The following UPF2 variants were observed in gnomAD, a reference collection of about 807,000 sequenced individuals.
UPF2 encodes UPF2 regulator of nonsense mediated mRNA decay.
Under a neutral mutation model 141.4 loss-of-function variants are expected in UPF2, and 17 were observed. That is an observed-to-expected ratio of 0.12 (90% CI 0.08 to 0.18). The LOEUF is 0.18. Ranked by LOEUF, UPF2 falls within the 10% of genes least tolerant of loss-of-function variation. The probability of loss-of-function intolerance (pLI) is 1.00; values close to 1 mark genes in which losing one functional copy is unlikely to be tolerated. For synonymous variants in UPF2, 540 were observed against 498.0 expected, an observed-to-expected ratio of 1.08 and a Z score of -1.12; for missense variants, 1,152 against 1,515.9, an observed-to-expected ratio of 0.76 and a Z score of 3.99.
In UPF2 at chr10:11,979,661, C is replaced by A. The variant is rs1395916836; in HGVS notation, c.1845-496G>T. 1.3e-5 allele frequency among the ~76,000 whole-genome samples: 2 copies of A among 152,156 alleles called. No individual in the cohort carries two copies. The highest frequency in any genetic ancestry group is 2.9e-5 in the Non-Finnish European group (2 of 68,036). Reference sequence around the variant, plus strand: ...GTAGCTCACGCCTGTAATCCCAGCACTTTGGGAGGCCGAGGCAGGCAGATC... The same window carrying A: ...GTAGCTCACGCCTGTAATCCCAGCAATTTGGGAGGCCGAGGCAGGCAGATC... On this transcript the variant is annotated intron_variant, in intron 8 of 21. Transcript: ENST00000357604. This position sits in a 1 kb window ranked among gnomAD's most constrained non-coding sequence, Gnocchi z 6.2.
chr10:11,938,964 C>T (rs1040595475), intron 18 of UPF2, among the ~76,000 whole-genome samples: 1 of 146,170 alleles, frequency 6.8e-6, no homozygotes, highest in Non-Finnish European at 1.5e-5. Context: ...CCTCTGCCTC[C>T]TGGGTTCAAG....
chr10:11,997,210 A>G (rs1194637914), intron 8 of UPF2, among the ~76,000 whole-genome samples: 3 of 152,280 alleles, frequency 2.0e-5, no homozygotes, highest in Non-Finnish European at 2.9e-5. Context: ...ATTCTATCCA[A>G]TGAGTCTCTA....
rs1832644614 is a variant in UPF2 at position 11,921,500 on chromosome 10, T to C, written c.3810-193A>G. Among the ~76,000 whole-genome samples, 1 of 152,004 alleles carries C rather than the reference T, an allele frequency of 6.6e-6. No individual in the cohort carries two copies. The highest frequency in any genetic ancestry group is 2.4e-5 in the African/African-American group (1 of 41,376). On this transcript the variant is annotated intron_variant, in intron 21 of 21. Coordinates refer to ENST00000357604, the MANE Select transcript of UPF2 (RefSeq NM_015542.4). The surrounding 1 kb of genome is among the most constrained non-coding windows in gnomAD (Gnocchi z 5.9). Reference sequence around the variant, plus strand: ...AAAACCCAAACAATAAAAAATAACATAAATATTAAAAACAATACAGTATAT... The same window carrying C: ...AAAACCCAAACAATAAAAAATAACACAAATATTAAAAACAATACAGTATAT...
At chr10:12,008,524 G>A (rs574432857) in intron 4 of UPF2, among the ~76,000 whole-genome samples, 1 of 151,026 alleles carries the variant, frequency 6.6e-6, no homozygotes, top group South Asian at 2.1e-4. Context: ...CAGCTGCTCA[G>A]GAGGCTGAGG....
At chr10:11,946,903 G>A (rs1833007557) in intron 16 of UPF2, among the ~76,000 whole-genome samples, 2 of 152,172 alleles carry the variant, frequency 1.3e-5, no homozygotes, top group Non-Finnish European at 2.9e-5. Context: ...GAGTTTGGAA[G>A]AAAAAACTGA....
chr10:11,938,864 T>TG (rs71380797), intron 18 of UPF2, among the ~76,000 whole-genome samples: 109 of 81,050 alleles, frequency 1.3e-3, no homozygotes, highest in Non-Finnish European at 2.1e-3. Context: ...TTTTTTTTTT[T>TG]TTTTTTTTTT....
chr10:12,004,958 C>A (rs1834011568), intron 4 of UPF2, among the ~76,000 whole-genome samples: 2 of 152,102 alleles, frequency 1.3e-5, no homozygotes, highest in African/African-American at 4.8e-5. Flanking sequence ...AGATTTTTTT[C>A]TCTTACATTT....
rs1485085953 is a variant in UPF2, at chr10:11,979,215, A to T, written c.1845-50T>A. The T allele has an allele frequency of 7.1e-7, 1 of 1,411,396 alleles. No individual in the cohort carries two copies. Among genetic ancestry groups the T allele is most frequent in the Non-Finnish European group, 9.8e-7 (1 of 1,018,724 alleles). The allele number at this position is 1,411,396 out of a possible 1,614,324, so 87.4% of individuals were successfully genotyped here. On this transcript the variant is annotated intron_variant, in intron 8 of 21. Transcript: ENST00000357604. The surrounding 1 kb of genome is among the most constrained non-coding windows in gnomAD (Gnocchi z 6.2). ...GTCAAAGGAAAGACATATCAAAAAT[A>T]ATTCATTTTAAAATTTAAACTTTTC...
In UPF2 at chr10:11,940,113, T is replaced by C. The variant is rs1409942623; in HGVS notation, c.3378+2552A>G. On this transcript the variant is annotated intron_variant, in intron 18 of 21. Coordinates refer to ENST00000357604, the MANE Select transcript of UPF2 (RefSeq NM_015542.4). The surrounding 1 kb of genome is among the most constrained non-coding windows in gnomAD (Gnocchi z 4.2). ...GTACAGTTGTTCAGTATTTTGATAATGCTGAAAAACTAGGGCCTAATATAG... is the reference window on the plus strand; with the variant it reads ...GTACAGTTGTTCAGTATTTTGATAACGCTGAAAAACTAGGGCCTAATATAG... Among the ~76,000 whole-genome samples the C allele has an allele frequency of 6.6e-6, 1 of 152,216 alleles. No homozygotes were observed. Among genetic ancestry groups the C allele is most frequent in the Non-Finnish European group, 1.5e-5 (1 of 68,034 alleles).
chr10:11,954,895 T>C (rs1167635856), intron 14 of UPF2, among the ~76,000 whole-genome samples: 3 of 150,848 alleles, frequency 2.0e-5, no homozygotes, highest in East Asian at 1.9e-4. Flanking sequence ...TTAACAAATG[T>C]ATTACAAATC....
intron 9 of UPF2, among the ~76,000 whole-genome samples, chr10:11,974,695 T>G (rs981912123): frequency 1.3e-5 from 2 of 152,230 alleles, no homozygotes; most frequent in African/African-American, 2.4e-5. Context: ...GATTTGCATA[T>G]GCTGAACCAG....
rs116488110 is a variant in UPF2, at chr10:11,956,830, T to C, written c.2371-307A>G. ...ATCAGGAGTTTGGAGTAGGTTTCTT[T>C]TTCCCCCCCAGACACAGTCTCACTC... On this transcript the variant is annotated intron_variant, in intron 12 of 21. Transcript: ENST00000357604. The surrounding 1 kb of genome is among the most constrained non-coding windows in gnomAD (Gnocchi z 4.2). Among the ~76,000 whole-genome samples the C allele has an allele frequency of 1.1e-3, 172 of 152,184 alleles. No homozygotes were observed. Among genetic ancestry groups the C allele is most frequent in the Middle Eastern group, 3.4e-3 (1 of 294 alleles).
chr10:12,042,618 G>C lies in UPF2; in HGVS notation c.-19+137C>G, dbSNP rs950540221. 4.9e-4 allele frequency: 75 copies of C among 152,396 alleles called. 1 individual carries two copies. Among genetic ancestry groups the C allele is most frequent in the Admixed American group, 4.5e-3 (69 of 15,280 alleles). The allele number at this position is 152,396 out of a possible 1,614,324, so 9.4% of individuals were successfully genotyped here. On this transcript the variant is annotated intron_variant, in intron 1 of 21. Transcript: ENST00000357604. This position sits in a 1 kb window ranked among gnomAD's most constrained non-coding sequence, Gnocchi z 5.5. ...ACGCCGGACCCGCGGTCCCTCCACT[G>C]CTCGCCGACCCCGGAGAGCTGGAGT...
chr10:11,978,441 G>C (rs1227906536), intron 9 of UPF2, among the ~76,000 whole-genome samples: 3 of 152,092 alleles, frequency 2.0e-5, no homozygotes, highest in East Asian at 3.9e-4. Context: ...GAAATAACTG[G>C]GTAACATGGG....
Position 11,942,828 on chromosome 10 carries a change from C to T in UPF2, c.3280-65G>A, listed in dbSNP as rs572022744. 19 of 1,455,406 alleles carry T rather than the reference C, an allele frequency of 1.3e-5. No homozygotes were observed. The Admixed American group carries it at 3.4e-4, about 26-fold the overall frequency. The allele number at this position is 1,455,406 out of a possible 1,614,324, so 90.2% of individuals were successfully genotyped here. On this transcript the variant is annotated intron_variant, in intron 17 of 21. Transcript: ENST00000357604. Reference sequence around the variant, plus strand: ...AACTGTAATGTTTTCTAGGGCAAAGCCTTTTAGTATTGACAACTTGTTTAA... The same window carrying T: ...AACTGTAATGTTTTCTAGGGCAAAGTCTTTTAGTATTGACAACTTGTTTAA...
At chr10:11,937,011 C>T (rs964292858) in intron 18 of UPF2, among the ~76,000 whole-genome samples, 4 of 152,224 alleles carry the variant, frequency 2.6e-5, no homozygotes, top group African/African-American at 9.6e-5. Flanking sequence ...CCAAATCCCC[C>T]TGCTCCTCAA....
At chr10:12,025,603 CAG>C (rs1374651690) in intron 3 of UPF2, among the ~76,000 whole-genome samples, 1 of 151,890 alleles carries the variant, frequency 6.6e-6, no homozygotes, top group Non-Finnish European at 1.5e-5. Context: ...ATACTAAGGT[CAG>C]TTTACACTAT....
In UPF2 at chr10:12,029,155, T is replaced by C. The variant is rs777240412; in HGVS notation, c.735A>G (p.Lys245=). 1.9e-5 allele frequency: 31 copies of C among 1,614,132 alleles called. No homozygotes were observed. Among genetic ancestry groups the C allele is most frequent in the Non-Finnish European group, 2.5e-5 (29 of 1,180,060 alleles). ...DFAPSLLQVW[K]KHFEARKEEK... ...CCTCTTTCCTTGCTTCAAAATGTTT[T>C]TTCCAGACCTGAAGAAGTGATGGGG... The change falls in exon 3 of 22, where the codon AAA becomes AAG. Residue 245 remains lysine, a synonymous_variant. Coordinates refer to ENST00000357604, the MANE Select transcript of UPF2 (RefSeq NM_015542.4).
chr10:11,938,841 A>G (rs916983492), intron 18 of UPF2, among the ~76,000 whole-genome samples: 13 of 66,536 alleles, frequency 2.0e-4, no homozygotes, highest in Non-Finnish European at 3.1e-4. Flanking sequence ...GTCTTAAGCA[A>G]GTTTTTTTTT....
Sources: allele counts gnomAD v4.1 joint callset (sites outside exome capture counted in the v4.1 genomes callset), GRCh38; gene constraint gnomAD v4.1.1; non-coding constraint Gnocchi (gnomAD v3.1); transcripts MANE v1.5; gene names NCBI Gene and HGNC (gene_info 2026-07-23, HGNC 2026-07-21).